Variants in BRCA2 observed in about 807,000 individuals in gnomAD.
BRCA2 encodes the protein breast cancer type 2 susceptibility protein.
BRCA2 carries 203 observed loss-of-function variants against 276.7 expected under a neutral mutation model. The ratio of observed to expected loss-of-function variants is 0.73; its 90% CI spans 0.65 to 0.82. The LOEUF (loss-of-function observed/expected upper bound fraction) is 0.82, where lower values mean the gene tolerates loss of function less well. BRCA2 is among the 40% of genes least tolerant of loss of function. BRCA2 has a pLI of 0.00. For missense variants in BRCA2, 3,920 were observed against 3,915.0 expected, an observed-to-expected ratio of 1.00 and a Z score of -0.03; for synonymous variants, 1,289 against 1,338.4, an observed-to-expected ratio of 0.96 and a Z score of 0.81.
chr13:32,342,711 T>C (rs371091187), intron 11 of BRCA2, among the ~76,000 whole-genome samples: 7 of 152,350 alleles, frequency 4.6e-5, no homozygotes, highest in African/African-American at 1.7e-4. Flanking sequence ...CAAGCATTTG[T>C]GTATGTGAAC....
chr13:32,344,602 A>C lies in BRCA2; in HGVS notation c.6886A>C (p.Ile2296Leu), dbSNP rs576279166. The C allele has an allele frequency of 7.9e-5, 125 of 1,583,180 alleles. No homozygotes were observed. The South Asian group carries it at 1.3e-3, about 16-fold the overall frequency. The change falls in exon 12 of 27, where the codon ATA (isoleucine) becomes CTA (leucine). Residue 2296 changes from isoleucine to leucine, a missense_variant. Physicochemically the swap from Ile to Leu is conservative, Grantham distance 5. Coordinates refer to ENST00000380152, the MANE Select transcript of BRCA2 (RefSeq NM_000059.4). ...AAACTTATTAAATGAATTTGACAGG[A>C]TAATAGAAAATCAAGAAAAATCCTT... ...KRNLLNEFDR[I>L]IENQEKSLKA...
At chr13:32,316,585 A>T in intron 2 of BRCA2, 58 bp downstream of exon 2, 1 of 1,494,478 alleles carries the variant, frequency 6.7e-7, no homozygotes, top group Non-Finnish European at 9.2e-7. Flanking sequence ...TTTCTAAAAA[A>T]TGCTTGCTAA....
chr13:32,354,836 C>G (rs751803680), intron 13 of BRCA2, 25 bp from the exon 14 acceptor site: 1 of 1,451,662 alleles, frequency 6.9e-7, no homozygotes, highest in Non-Finnish European at 9.7e-7. Flanking sequence ...AGTCAATAAA[C>G]TTATATATTT....
At chr13:32,379,663 T>C in intron 22 of BRCA2, 87 bp from the exon 23 acceptor site, 1 of 1,533,612 alleles carries the variant, frequency 6.5e-7, no homozygotes, top group Non-Finnish European at 9.0e-7. Context: ...AGAGATAATA[T>C]AAAAGAGGAT....
rs2072476789 is a variant in BRCA2 at position 32,337,634 on chromosome 13, CA to C, written c.3281del (p.Lys1094SerfsTer10). 6.3e-7 allele frequency: 1 copy of C among 1,585,810 alleles called. No homozygotes were observed. The highest frequency in any genetic ancestry group is 8.6e-7 in the Non-Finnish European group (1 of 1,167,786). ...SHITPQMLFS[K>X]QDFNSNHNLT... ...ATATAACCCCTCAGATGTTATTTTCCAAGCAGGATTTTAATTCAAACCATAA... is the reference window on the plus strand; with the variant it reads ...ATATAACCCCTCAGATGTTATTTTCCAGCAGGATTTTAATTCAAACCATAA... On this transcript the variant is annotated frameshift_variant, in exon 11 of 27. Transcript: ENST00000380152. LOFTEE classifies it high-confidence loss of function.
intron 18 of BRCA2, among the ~76,000 whole-genome samples, chr13:32,364,246 T>A (rs889696482): frequency 6.6e-5 from 10 of 152,152 alleles, no homozygotes; most frequent in African/African-American, 1.7e-4. Flanking sequence ...TGTTTTTTTT[T>A]AAATCAAATC....
At chr13:32,346,073 T>C (rs188491685) in intron 12 of BRCA2, among the ~76,000 whole-genome samples, 62 of 152,154 alleles carry the variant, frequency 4.1e-4, no homozygotes, top group Admixed American at 8.5e-4. Context: ...TATTTAATTT[T>C]ACATTTGAAT....
Position 32,333,367 on chromosome 13 carries a change from C to A in BRCA2, c.1889C>A (p.Thr630Lys), listed in dbSNP as rs80358479. The A allele has an allele frequency of 6.2e-7, 1 of 1,609,124 alleles. No homozygotes were observed. Among genetic ancestry groups the A allele is most frequent in the Non-Finnish European group, 8.5e-7 (1 of 1,179,082 alleles). ...GCAAATGCTTTTGAAGCACCACTTA[C>A]ATTTGCAAATGCTGATTCAGGTACC... Reference protein sequence around the residue: ...FEANAFEAPLTFANADSGLLH... With the variant: ...FEANAFEAPLKFANADSGLLH... The change falls in exon 10 of 27, where the codon ACA (threonine) becomes AAA (lysine). Residue 630 changes from threonine to lysine, a missense_variant. Thr to Lys is a moderately conservative substitution (Grantham distance 78). Around this residue, in one of 2 missense-constraint regions of BRCA2, gnomAD observed 3,263 missense variants for 3,156.9 expected, o/e 1.03. Transcript: ENST00000380152.
chr13:32,392,963 G>A (rs1283323706), intron 24 of BRCA2, among the ~76,000 whole-genome samples: 1 of 152,042 alleles, frequency 6.6e-6, no homozygotes, highest in East Asian at 1.9e-4. Flanking sequence ...TTTTTGAATA[G>A]ACTGATCAAT....
At chr13:32,316,630 A>G in intron 2 of BRCA2, 103 bp downstream of exon 2, 1 of 986,176 alleles carries the variant, frequency 1.0e-6, no homozygotes, top group Admixed American at 2.0e-5. Context: ...TTAGAACCAT[A>G]AACTGTTCCT....
intron 2 of BRCA2, among the ~76,000 whole-genome samples, chr13:32,317,413 G>T (rs1253482475): frequency 2.6e-5 from 4 of 151,988 alleles, no homozygotes; most frequent in African/African-American, 9.7e-5. Flanking sequence ...CTGTTATTTT[G>T]GTAGAAGTAT....
chr13:32,364,144 T>C (rs2137584302), intron 18 of BRCA2, among the ~76,000 whole-genome samples: 1 of 152,338 alleles, frequency 6.6e-6, no homozygotes, highest in South Asian at 2.1e-4. Flanking sequence ...ATTGATTGCT[T>C]TTTACTGAAA....
At chr13:32,347,465 T>A (rs1385713946) in intron 13 of BRCA2, among the ~76,000 whole-genome samples, 2 of 152,182 alleles carry the variant, frequency 1.3e-5, no homozygotes, top group African/African-American at 2.4e-5. Flanking sequence ...TTAGTTGAAA[T>A]TCTTTTTAAG....
Position 32,332,289 on chromosome 13 carries a change from G to A in BRCA2, c.811G>A (p.Gly271Arg), listed in dbSNP as rs786204274. 11 of 1,604,152 alleles carry A rather than the reference G, an allele frequency of 6.9e-6. No individual in the cohort carries two copies. Among genetic ancestry groups the A allele is most frequent in the Middle Eastern group, 1.7e-4 (1 of 5,996 alleles). The part of the protein sequence containing the change: ...AASHGFGKTS[G>R]NSFKVNSCKD... Reference sequence around the variant, plus strand: ...TTTAACAGGATTTGGAAAAACATCAGGGAATTCATTTAAAGTAAATAGCTG... The same window carrying A: ...TTTAACAGGATTTGGAAAAACATCAAGGAATTCATTTAAAGTAAATAGCTG... The change falls in exon 10 of 27, where the codon GGG becomes AGG. Residue 271 changes from glycine (G) to arginine (R), a missense_variant. Gly to Arg is a moderately radical substitution (Grantham distance 125). Transcript: ENST00000380152.
chr13:32,390,439 T>TA (rs567700915), intron 24 of BRCA2, among the ~76,000 whole-genome samples: 169 of 149,292 alleles, frequency 1.1e-3, no homozygotes, highest in South Asian at 4.3e-3. Flanking sequence ...AAACTAAATT[T>TA]AAAAAAAAAA....
chr13:32,350,817 T>G (rs533489391), intron 13 of BRCA2, among the ~76,000 whole-genome samples: 1 of 152,270 alleles, frequency 6.6e-6, no homozygotes, highest in East Asian at 1.9e-4. Context: ...TACATATACT[T>G]TATACTGACT....
At chr13:32,389,127 C>T (rs1298921966) in intron 24 of BRCA2, among the ~76,000 whole-genome samples, 1 of 152,074 alleles carries the variant, frequency 6.6e-6, no homozygotes, top group African/African-American at 2.4e-5. Flanking sequence ...TTACAGCAGT[C>T]TACTAGTATC....
chr13:32,387,759 G>A (rs1300122510), intron 24 of BRCA2, among the ~76,000 whole-genome samples: 2 of 152,182 alleles, frequency 1.3e-5, no homozygotes, highest in Non-Finnish European at 2.9e-5. Context: ...TGAAGTCTTT[G>A]ATCTTTCTTA....
rs876660588 is a variant in BRCA2, at chr13:32,338,919, T to C, written c.4564T>C (p.Leu1522=). 1 of 1,613,952 alleles carries C rather than the reference T, an allele frequency of 6.2e-7. No homozygotes were observed. Among genetic ancestry groups the C allele is most frequent in the Non-Finnish European group, 8.5e-7 (1 of 1,179,916 alleles). ...RDEKIKEPTL[L]GFHTASGKKV... ...TGAAAAGATCAAAGAACCTACTCTA[T>C]TGGGTTTTCATACAGCTAGCGGGAA... Residue 1522 remains leucine (L), a synonymous_variant, in exon 11 of 27, where the codon TTG becomes CTG. Transcript: ENST00000380152.
Sources: allele counts gnomAD v4.1 joint callset (sites outside exome capture counted in the v4.1 genomes callset), GRCh38; gene constraint gnomAD v4.1.1; regional missense constraint gnomAD v4.1.1; transcripts MANE v1.5; gene names NCBI Gene and HGNC (gene_info 2026-07-23, HGNC 2026-07-21).